Variants in CRB1 observed in about 807,000 individuals in gnomAD.
The protein encoded by CRB1 is protein crumbs homolog 1.
In CRB1, 83 loss-of-function variants were observed where a neutral mutation model predicts 120.0. That is an observed-to-expected ratio of 0.69 (90% CI 0.58 to 0.83). The LOEUF (loss-of-function observed/expected upper bound fraction) is 0.83, where lower values mean the gene tolerates loss of function less well. Ranked by LOEUF, CRB1 falls within the 40% of genes least tolerant of loss-of-function variation. CRB1 has a pLI of 0.00. For synonymous variants in CRB1, 625 were observed against 612.5 expected (o/e 1.02, Z -0.30); for missense variants, 1,699 against 1,687.6 (o/e 1.01, Z -0.12).
intron 2 of CRB1, among the ~76,000 whole-genome samples, chr1:197,343,245 T>C (rs1240862451): frequency 6.6e-6 from 1 of 152,126 alleles, no homozygotes; most frequent in Non-Finnish European, 1.5e-5. Flanking sequence ...TAATACCATT[T>C]TAATATATAA....
intron 2 of CRB1, among the ~76,000 whole-genome samples, chr1:197,337,697 T>A (rs1042311494): frequency 2.0e-5 from 3 of 152,156 alleles, no homozygotes; most frequent in Admixed American, 1.3e-4. Flanking sequence ...ATTCAAGTAA[T>A]CTTATACCTG....
chr1:197,243,152 A>C, the CRB1 span, among the ~76,000 whole-genome samples: 3 of 151,858 alleles, frequency 2.0e-5, no homozygotes, highest in African/African-American at 4.8e-5. Flanking sequence ...ATTTTTTTGA[A>C]GGGTTTTTCA....
At chr1:197,391,034 A>G (rs1456329233) in intron 5 of CRB1, among the ~76,000 whole-genome samples, 5 of 152,114 alleles carry the variant, frequency 3.3e-5, no homozygotes, top group African/African-American at 1.2e-4. Flanking sequence ...TTGCAAGCAG[A>G]AAGTTTCATG....
intron 11 of CRB1, among the ~76,000 whole-genome samples, chr1:197,475,990 A>G (rs574234906): frequency 7.9e-5 from 12 of 151,846 alleles, no homozygotes; most frequent in African/African-American, 2.7e-4. Flanking sequence ...GCTTACATCA[A>G]CCTCCGCATC....
intron 5 of CRB1, among the ~76,000 whole-genome samples, chr1:197,379,325 A>T (rs1661814177): frequency 6.6e-6 from 1 of 151,506 alleles, no homozygotes; most frequent in Non-Finnish European, 1.5e-5. Context: ...TTTGAGATGG[A>T]GTCTCGCTTT....
Position 197,328,641 on chromosome 1 carries a change from A to G in CRB1, c.290A>G (p.Lys97Arg), listed in dbSNP as rs553875922. The stretch of plus-strand genomic sequence containing the variant: ...CCAGGAGAAAGGAGCTTTCTGTGCA[A>G]ATGTCCTCCTGGGTACAGTGGGACA... ...NTPGERSFLC[K>R]CPPGYSGTIC... The change falls in exon 2 of 12, where the codon AAA (lysine) becomes AGA (arginine). Residue 97 changes from lysine to arginine, a missense_variant. Coordinates refer to ENST00000367400, the MANE Select transcript of CRB1 (RefSeq NM_201253.3). 2 of 1,614,206 alleles carry G rather than the reference A, an allele frequency of 1.2e-6. No homozygotes were observed. The highest frequency in any genetic ancestry group is 4.5e-5 in the East Asian group (2 of 44,890).
chr1:197,222,935 G>A, the CRB1 span: 41 of 966,832 alleles, frequency 4.2e-5, no homozygotes, highest in Admixed American at 4.2e-4. Context: ...TCCTGTTGAC[G>A]CTCTGCAAGA....
chr1:197,305,625 A>C, intron 1 of CRB1, among the ~76,000 whole-genome samples: 1 of 151,972 alleles, frequency 6.6e-6, no homozygotes, highest in African/African-American at 2.4e-5. Context: ...TACAGCATTC[A>C]TCTTGGGTTA....
At chr1:197,282,539 A>C (rs1172587694) in intron 1 of CRB1, among the ~76,000 whole-genome samples, 1 of 151,932 alleles carries the variant, frequency 6.6e-6, no homozygotes, top group Non-Finnish European at 1.5e-5. Flanking sequence ...TTGCACGTTT[A>C]TACTAATAAA....
chr1:197,427,633 G>A lies in CRB1; in HGVS notation c.2308G>A (p.Gly770Ser), dbSNP rs767648174. The A allele has an allele frequency of 2.7e-5, 44 of 1,613,766 alleles. No homozygotes were observed. The highest frequency in any genetic ancestry group is 3.3e-5 in the Non-Finnish European group (39 of 1,179,974). Residue 770 changes from glycine to serine, a missense_variant, in exon 7 of 12, where the codon GGC becomes AGC. Coordinates refer to ENST00000367400, the MANE Select transcript of CRB1 (RefSeq NM_201253.3). ...YQYIRVWLER[G>S]RLAMLTPNSP... Reference sequence around the variant, plus strand: ...ATATATCCGTGTCTGGCTAGAGCGCGGCAGACTAGCAATGCTGACTCCAAA... The same window carrying A: ...ATATATCCGTGTCTGGCTAGAGCGCAGCAGACTAGCAATGCTGACTCCAAA...
chr1:197,312,418 AAAAC>A (rs1318448017), intron 1 of CRB1, among the ~76,000 whole-genome samples: 1 of 152,044 alleles, frequency 6.6e-6, no homozygotes, highest in Non-Finnish European at 1.5e-5. Context: ...ACAAAAAAAC[AAAAC>A]AAACAAACAA....
At chr1:197,430,817 A>T (rs547723594) in intron 8 of CRB1, among the ~76,000 whole-genome samples, 23 of 152,298 alleles carry the variant, frequency 1.5e-4, no homozygotes, top group Non-Finnish European at 2.8e-4. Flanking sequence ...AAATATTTGT[A>T]AAATAAATAA....
chr1:197,385,806 A>C (rs1426133373), intron 5 of CRB1, among the ~76,000 whole-genome samples: 1 of 152,048 alleles, frequency 6.6e-6, no homozygotes, highest in East Asian at 1.9e-4. Context: ...TACATAGTTA[A>C]CATTTAAGAT....
chr1:197,301,200 C>CT (rs1189645334), intron 1 of CRB1, among the ~76,000 whole-genome samples: 1 of 151,038 alleles, frequency 6.6e-6, no homozygotes, highest in Non-Finnish European at 1.5e-5. Flanking sequence ...GAGTATCACT[C>CT]TATCACCCAG....
At chr1:197,456,575 G>A (rs1043667961) in intron 11 of CRB1, among the ~76,000 whole-genome samples, 2 of 152,090 alleles carry the variant, frequency 1.3e-5, no homozygotes, top group African/African-American at 4.8e-5. Flanking sequence ...AGACAAGTGA[G>A]CCACACTGTC....
At chr1:197,392,062 C>G (rs540902486) in intron 5 of CRB1, among the ~76,000 whole-genome samples, 1 of 152,036 alleles carries the variant, frequency 6.6e-6, no homozygotes, top group South Asian at 2.1e-4. Context: ...GGTACAGCAT[C>G]TCGTGGTGTC....
chr1:197,303,401 A>AAGAAG (rs1402257780), intron 1 of CRB1, among the ~76,000 whole-genome samples: 3 of 150,712 alleles, frequency 2.0e-5, no homozygotes, highest in African/African-American at 7.3e-5. Context: ...TTTGTATGAA[A>AAGAAG]AGAAGATCTT....
chr1:197,283,644 T>C (rs1055142036), intron 1 of CRB1, among the ~76,000 whole-genome samples: 11 of 151,958 alleles, frequency 7.2e-5, no homozygotes, highest in Non-Finnish European at 1.2e-4. Context: ...TATATCGATA[T>C]ACCACAGTTT....
intron 5 of CRB1, among the ~76,000 whole-genome samples, chr1:197,413,145 C>A (rs1394384511): frequency 1.3e-5 from 2 of 152,088 alleles, no homozygotes; most frequent in East Asian, 1.9e-4. Flanking sequence ...CTATGTGAAA[C>A]CTCTCTAGGT....
Sources: allele counts gnomAD v4.1 joint callset (sites outside exome capture counted in the v4.1 genomes callset), GRCh38; gene constraint gnomAD v4.1.1; transcripts MANE v1.5; gene names NCBI Gene and HGNC (gene_info 2026-07-23, HGNC 2026-07-21).